Variants in KCNIP4 observed in about 807,000 individuals in gnomAD.
KCNIP4 encodes Kv channel-interacting protein 4.
In KCNIP4, 12 loss-of-function variants were observed where a neutral mutation model predicts 34.0. The ratio of observed to expected loss-of-function variants is 0.35; its 90% CI spans 0.23 to 0.57. The LOEUF is 0.57. Ranked by LOEUF, KCNIP4 falls within the 20% of genes least tolerant of loss-of-function variation. The pLI, the probability that KCNIP4 is intolerant of heterozygous loss-of-function variation, is 0.83. For synonymous variants in KCNIP4, 124 were observed against 102.2 expected (o/e 1.21, Z -1.29); for missense variants, 238 against 311.7 (o/e 0.76, Z 1.78).
chr4:20,784,614 C>T (rs1711692805), intron 3 of KCNIP4, among the ~76,000 whole-genome samples: 1 of 152,140 alleles, frequency 6.6e-6, no homozygotes, highest in African/African-American at 2.4e-5. Context: ...ATTTTTCCTA[C>T]ATTCCCTCCT....
intron 1 of KCNIP4, among the ~76,000 whole-genome samples, chr4:20,914,580 CTAAAA>C (rs1308951565): frequency 6.6e-6 from 1 of 152,164 alleles, no homozygotes; most frequent in African/African-American, 2.4e-5. Context: ...GCTGCCCACA[CTAAAA>C]TAATTATAAT....
At chr4:21,763,946 G>A (rs1401966611) in intron 1 of KCNIP4, among the ~76,000 whole-genome samples, 1 of 152,054 alleles carries the variant, frequency 6.6e-6, no homozygotes, top group Non-Finnish European at 1.5e-5. Context: ...AGGTTTGCTA[G>A]GAAATGGGTT....
At chr4:21,615,745 C>G (rs1323768088) in intron 1 of KCNIP4, among the ~76,000 whole-genome samples, 3 of 152,104 alleles carry the variant, frequency 2.0e-5, no homozygotes, top group Non-Finnish European at 4.4e-5. Flanking sequence ...TTTGAGAAGG[C>G]AAAAGTCTAG....
At chr4:21,713,637 A>G (rs1004763816) in intron 1 of KCNIP4, among the ~76,000 whole-genome samples, 5 of 152,186 alleles carry the variant, frequency 3.3e-5, no homozygotes, top group Non-Finnish European at 7.3e-5. Context: ...GCAATTTTGA[A>G]ATATACAACA....
At chr4:21,105,269 C>A (rs1470066399) in intron 1 of KCNIP4, among the ~76,000 whole-genome samples, 2 of 151,538 alleles carry the variant, frequency 1.3e-5, no homozygotes, top group Admixed American at 1.3e-4. Context: ...TTTTTTATTT[C>A]ATTGAGCAGT....
At chr4:21,422,665 G>T (rs1334686223) in intron 1 of KCNIP4, among the ~76,000 whole-genome samples, 1 of 151,006 alleles carries the variant, frequency 6.6e-6, no homozygotes, top group African/African-American at 2.4e-5. Flanking sequence ...GTGTTTGTGT[G>T]TGTGTGTGTG....
At chr4:21,523,926 T>C (rs1735754966) in intron 1 of KCNIP4, among the ~76,000 whole-genome samples, 1 of 152,108 alleles carries the variant, frequency 6.6e-6, no homozygotes, top group African/African-American at 2.4e-5. Context: ...CTTTTAATGA[T>C]ATATTGGATA....
At chr4:21,211,363 C>T (rs1757207756) in intron 1 of KCNIP4, among the ~76,000 whole-genome samples, 1 of 152,128 alleles carries the variant, frequency 6.6e-6, no homozygotes, top group South Asian at 2.1e-4. Context: ...CTGGGATGCA[C>T]AGCAAGAGGT....
chr4:21,876,845 C>T (rs186780579), intron 1 of KCNIP4, among the ~76,000 whole-genome samples: 8 of 151,920 alleles, frequency 5.3e-5, no homozygotes, highest in Middle Eastern at 3.4e-3. Flanking sequence ...GTTTTGTCAA[C>T]GGGAGACTTG....
At chr4:20,730,400 A>G (rs758061670) in intron 8 of KCNIP4, among the ~76,000 whole-genome samples, 8 of 152,208 alleles carry the variant, frequency 5.3e-5, no homozygotes, top group African/African-American at 2.4e-5. Flanking sequence ...AATAGAGGAT[A>G]TTTCTCAAAT....
chr4:21,871,112 T>A (rs1725770154), intron 1 of KCNIP4, among the ~76,000 whole-genome samples: 1 of 151,814 alleles, frequency 6.6e-6, no homozygotes, highest in Non-Finnish European at 1.5e-5. Context: ...CCAGTTTTTT[T>A]TTTTTAATAC....
At chr4:20,869,283 TG>T (rs1723184459) in intron 2 of KCNIP4, among the ~76,000 whole-genome samples, 1 of 152,146 alleles carries the variant, frequency 6.6e-6, no homozygotes. Flanking sequence ...GGTTTTGTTA[TG>T]TTCCTTCTAC....
intron 1 of KCNIP4, among the ~76,000 whole-genome samples, chr4:21,103,682 A>C (rs1748179461): frequency 1.3e-5 from 2 of 150,650 alleles, no homozygotes; most frequent in South Asian, 2.1e-4. Flanking sequence ...GTGCTGCACC[A>C]ATTAACTCTT....
At chr4:21,477,404 A>C (rs17464828) in intron 1 of KCNIP4, among the ~76,000 whole-genome samples, 19,010 of 152,122 alleles carry the variant, frequency 0.12, 1,353 homozygotes, top group South Asian at 0.21. Flanking sequence ...AAGACTGAAT[A>C]CCTTTGAATA....
chr4:21,231,590 A>G (rs1237238493), intron 1 of KCNIP4, among the ~76,000 whole-genome samples: 1 of 152,164 alleles, frequency 6.6e-6, no homozygotes, highest in African/African-American at 2.4e-5. Context: ...TTTTGTAAAA[A>G]AAGAAATTGA....
At chr4:20,869,340 A>G (rs1411013601) in intron 2 of KCNIP4, among the ~76,000 whole-genome samples, 2 of 152,070 alleles carry the variant, frequency 1.3e-5, no homozygotes, top group Non-Finnish European at 2.9e-5. Flanking sequence ...CACATGTTCA[A>G]TGGCATAGAA....
intron 1 of KCNIP4, among the ~76,000 whole-genome samples, chr4:20,973,266 C>A (rs949885484): frequency 2.6e-5 from 4 of 152,214 alleles, no homozygotes; most frequent in Non-Finnish European, 5.9e-5. Flanking sequence ...ATAGCACTTG[C>A]TGCTTCGCTT....
At chr4:20,933,741 A>G (rs939272159) in intron 1 of KCNIP4, among the ~76,000 whole-genome samples, 2 of 94,170 alleles carry the variant, frequency 2.1e-5, no homozygotes, top group Middle Eastern at 5.1e-3. Flanking sequence ...TAGCTGAAAA[A>G]GAAAAAAAAA....
chr4:20,984,110 C>T, intron 1 of KCNIP4: 1 of 852,452 alleles, frequency 1.2e-6, no homozygotes, highest in Non-Finnish European at 1.7e-6. Context: ...GGCTAAAGTC[C>T]AGCTTCTCAT....
Sources: gnomAD v4.1 joint callset for allele counts (sites outside exome capture counted in the v4.1 genomes callset) on GRCh38, gnomAD v4.1.1 for gene constraint, MANE v1.5 for transcripts, NCBI Gene and HGNC (gene_info 2026-07-23, HGNC 2026-07-21) for gene names.